Variants in COL11A1 observed in about 807,000 individuals in gnomAD.
COL11A1 encodes collagen type XI alpha 1 chain.
COL11A1 carries 74 observed loss-of-function variants against 265.2 expected under a neutral mutation model. That is an observed-to-expected ratio of 0.28 (90% CI 0.23 to 0.34). The LOEUF is 0.34. Among genes scored for constraint, COL11A1 ranks in the 10% least tolerant of loss-of-function variants. COL11A1 has a pLI of 1.00. For synonymous variants in COL11A1, 816 were observed against 727.6 expected, an observed-to-expected ratio of 1.12 and a Z score of -1.96; for missense variants, 2,165 against 2,263.6, an observed-to-expected ratio of 0.96 and a Z score of 0.88.
chr1:102,988,708 C>A (rs1186707553), intron 29 of COL11A1, among the ~76,000 whole-genome samples: 4 of 152,026 alleles, frequency 2.6e-5, no homozygotes, highest in Non-Finnish European at 5.9e-5. Flanking sequence ...TCATATATGA[C>A]ATTAAATTGC....
chr1:102,897,515 C>T (rs1175635699), intron 57 of COL11A1, among the ~76,000 whole-genome samples: 1 of 151,922 alleles, frequency 6.6e-6, no homozygotes, highest in African/African-American at 2.4e-5. Context: ...TTTATTCTCA[C>T]TTTTTGCCCA....
intron 42 of COL11A1, among the ~76,000 whole-genome samples, chr1:102,945,713 T>C (rs1263952548): frequency 6.6e-6 from 1 of 152,090 alleles, no homozygotes; most frequent in Non-Finnish European, 1.5e-5. Flanking sequence ...GAGAGAATCA[T>C]TTTTAAAAAA....
At chr1:103,096,847 T>A (rs949976948) in intron 1 of COL11A1, among the ~76,000 whole-genome samples, 6 of 152,068 alleles carry the variant, frequency 3.9e-5, no homozygotes, top group Non-Finnish European at 8.8e-5. Context: ...TATACTTTGG[T>A]TAATAACAAG....
chr1:103,054,407 T>C (rs189232910), intron 4 of COL11A1, among the ~76,000 whole-genome samples: 12 of 152,296 alleles, frequency 7.9e-5, no homozygotes, highest in African/African-American at 2.4e-4. Flanking sequence ...AATGATAAAG[T>C]ACCACGTTCA....
chr1:103,087,622 A>G (rs974684004), intron 1 of COL11A1, among the ~76,000 whole-genome samples: 2 of 152,118 alleles, frequency 1.3e-5, no homozygotes, highest in East Asian at 1.9e-4. Flanking sequence ...AGAATCCACC[A>G]TGTTCTCTGG....
At chr1:102,920,079 CT>C (rs1449642648) in intron 49 of COL11A1, among the ~76,000 whole-genome samples, 1 of 151,976 alleles carries the variant, frequency 6.6e-6, no homozygotes, top group Non-Finnish European at 1.5e-5. Flanking sequence ...TGTGAGGTTC[CT>C]GCTTAAAGAA....
chr1:103,006,906 AC>A (rs1198018821), intron 15 of COL11A1, among the ~76,000 whole-genome samples: 1 of 151,762 alleles, frequency 6.6e-6, no homozygotes, highest in Non-Finnish European at 1.5e-5. Flanking sequence ...TATTCCCCAA[AC>A]CTTGGGGTTT....
chr1:103,016,692 A>C (rs1239257632), intron 11 of COL11A1, among the ~76,000 whole-genome samples: 3 of 151,986 alleles, frequency 2.0e-5, no homozygotes, highest in Non-Finnish European at 2.9e-5. Context: ...AACTCCTAGG[A>C]AAGTGTTAAC....
chr1:103,012,638 G>T (rs1188188237), intron 13 of COL11A1, among the ~76,000 whole-genome samples, 169 bp from the exon 14 acceptor site: 1 of 152,058 alleles, frequency 6.6e-6, no homozygotes, highest in African/African-American at 2.4e-5. Context: ...TTTCTAGAAT[G>T]ACAAAAGAGG....
intron 5 of COL11A1, among the ~76,000 whole-genome samples, chr1:103,028,838 A>G (rs1199477798): frequency 6.6e-6 from 1 of 152,134 alleles, no homozygotes; most frequent in Non-Finnish European, 1.5e-5. Flanking sequence ...TTCTGTTTTC[A>G]TCCTTTTTTA....
intron 35 of COL11A1, among the ~76,000 whole-genome samples, chr1:102,976,327 C>G: frequency 1.2e-5 from 1 of 81,094 alleles, no homozygotes. Flanking sequence ...GAGACAGAGT[C>G]TTGCTCTGTT....
At chr1:103,098,173 C>T (rs948954419) in intron 1 of COL11A1, among the ~76,000 whole-genome samples, 3 of 151,808 alleles carry the variant, frequency 2.0e-5, no homozygotes, top group African/African-American at 7.2e-5. Context: ...TTATTACATG[C>T]TCTGGAGAGA....
At chr1:102,976,026 A>G (rs1375276229) in intron 35 of COL11A1, among the ~76,000 whole-genome samples, 2 of 152,104 alleles carry the variant, frequency 1.3e-5, no homozygotes, top group Non-Finnish European at 2.9e-5. Flanking sequence ...ACAAAATTTT[A>G]AACTCTTATT....
chr1:102,981,621 A>G (rs374032378), intron 31 of COL11A1, among the ~76,000 whole-genome samples: 2 of 152,132 alleles, frequency 1.3e-5, no homozygotes, highest in East Asian at 3.9e-4. Context: ...TGCTTCCCAT[A>G]TAAGGAATTA....
chr1:103,082,927 G>C lies in COL11A1; in HGVS notation c.152C>G (p.Pro51Arg), dbSNP rs771956360. ...TCCCGTTGTTTTTGATATTCCCTCTGGAGAATTGTGAAAATCTAGTGCTTT... is the reference window on the plus strand; with the variant it reads ...TCCCGTTGTTTTTGATATTCCCTCTCGAGAATTGTGAAAATCTAGTGCTTT... The part of the protein sequence containing the change: ...VLKALDFHNS[P>R]EGISKTTGFC... The change falls in exon 2 of 67, where the codon CCA becomes CGA. Residue 51 changes from proline to arginine, a missense_variant. By Grantham distance (103) the Pro-to-Arg change is moderately radical. Coordinates refer to ENST00000370096, the MANE Select transcript of COL11A1 (RefSeq NM_001854.4). 1 of 1,613,290 alleles carries C rather than the reference G, an allele frequency of 6.2e-7. No homozygotes were observed. The highest frequency in any genetic ancestry group is 1.7e-5 in the Admixed American group (1 of 59,958).
intron 6 of COL11A1, 56 bp downstream of exon 6, chr1:103,026,160 A>G: frequency 7.6e-7 from 1 of 1,309,504 alleles, no homozygotes; most frequent in Admixed American, 1.7e-5. Context: ...AACATAAGGA[A>G]CCACAGGATG....
At chr1:102,955,162 C>G (rs112338852) in intron 41 of COL11A1, among the ~76,000 whole-genome samples, 4 of 151,936 alleles carry the variant, frequency 2.6e-5, no homozygotes, top group African/African-American at 9.6e-5. Context: ...CTTGGCATGT[C>G]GGTACATGAC....
chr1:103,107,119 A>G (rs1398201728), intron 1 of COL11A1, among the ~76,000 whole-genome samples: 1 of 152,008 alleles, frequency 6.6e-6, no homozygotes, highest in Non-Finnish European at 1.5e-5. Flanking sequence ...AGGGCGGGGG[A>G]AAGAGGGAGG....
intron 54 of COL11A1, among the ~76,000 whole-genome samples, chr1:102,907,401 A>G (rs1654113278): frequency 6.6e-6 from 1 of 152,118 alleles, no homozygotes; most frequent in Non-Finnish European, 1.5e-5. Flanking sequence ...GAATGACTCA[A>G]TATTATATTA....
Sources: gnomAD v4.1 joint callset for allele counts (sites outside exome capture counted in the v4.1 genomes callset) on GRCh38, gnomAD v4.1.1 for gene constraint, MANE v1.5 for transcripts, NCBI Gene and HGNC (gene_info 2026-07-23, HGNC 2026-07-21) for gene names.